Variants in DNAH10 observed in about 807,000 individuals in gnomAD.
DNAH10 encodes the protein axonemal beta dynein heavy chain 10.
DNAH10 carries 348 observed loss-of-function variants against 506.6 expected under a neutral mutation model. That is an observed-to-expected ratio of 0.69 (90% CI 0.63 to 0.75). The LOEUF is 0.75. Ranked by LOEUF, DNAH10 falls within the 30% of genes least tolerant of loss-of-function variation. DNAH10 has a pLI of 0.00. For missense variants in DNAH10, 5,179 were observed against 5,787.1 expected, an observed-to-expected ratio of 0.89 and a Z score of 3.41; for synonymous variants, 2,059 against 2,198.6, an observed-to-expected ratio of 0.94 and a Z score of 1.78.
rs1217745502 is a variant in DNAH10, at chr12:123,913,328, C to T, written c.10352+13C>T. On this transcript the variant is annotated intron_variant, in intron 60 of 78. Coordinates refer to ENST00000673944, the MANE Select transcript of DNAH10 (RefSeq NM_001372106.1). The surrounding 1 kb of genome is among the most constrained non-coding windows in gnomAD (Gnocchi z 5.1). ...CAGAAAACATCAGGTTAGCGCTGCTCACGAGCCCACCTGTTGCGGTTTGTA... is the reference window on the plus strand; with the variant it reads ...CAGAAAACATCAGGTTAGCGCTGCTTACGAGCCCACCTGTTGCGGTTTGTA... 1 of 1,567,248 alleles carries T rather than the reference C, an allele frequency of 6.4e-7. No homozygotes were observed. Among genetic ancestry groups the T allele is most frequent in the East Asian group, 2.3e-5 (1 of 42,744 alleles).
intron 5 of DNAH10, among the ~76,000 whole-genome samples, chr12:123,780,314 C>T (rs1957598968): frequency 6.6e-6 from 1 of 152,024 alleles, no homozygotes; most frequent in Non-Finnish European, 1.5e-5. Context: ...CACAGGTGTG[C>T]ACCACCACAC....
chr12:123,913,405 T>C lies in DNAH10; in HGVS notation c.10352+90T>C, dbSNP rs1954323644. Reference sequence around the variant, plus strand: ...GCCATGTTGATTCTTTATCTCACGTTGTGTTTTTATGTGAAAACCATGTGA... The same window carrying C: ...GCCATGTTGATTCTTTATCTCACGTCGTGTTTTTATGTGAAAACCATGTGA... On this transcript the variant is annotated intron_variant, in intron 60 of 78. Coordinates refer to ENST00000673944, the MANE Select transcript of DNAH10 (RefSeq NM_001372106.1). The surrounding 1 kb of genome is among the most constrained non-coding windows in gnomAD (Gnocchi z 5.1). 2 of 1,327,600 alleles carry C rather than the reference T, an allele frequency of 1.5e-6. No individual in the cohort carries two copies. Among genetic ancestry groups the C allele is most frequent in the Non-Finnish European group, 2.0e-6 (2 of 989,312 alleles). The allele number at this position is 1,327,600 out of a possible 1,614,324, so 82.2% of individuals were successfully genotyped here.
intron 16 of DNAH10, among the ~76,000 whole-genome samples, chr12:123,802,402 T>C (rs372877003): frequency 5.1e-4 from 77 of 152,250 alleles, no homozygotes; most frequent in African/African-American, 1.3e-3. Context: ...ACCTCCTGGG[T>C]TCAAGCGATT....
At chr12:123,874,492 C>T (rs920129080) in intron 46 of DNAH10, among the ~76,000 whole-genome samples, 1 of 151,778 alleles carries the variant, frequency 6.6e-6, no homozygotes, top group Admixed American at 6.6e-5. Context: ...TCTGTTTTTC[C>T]ATCTACCTGT....
intron 14 of DNAH10, among the ~76,000 whole-genome samples, chr12:123,799,635 C>T (rs943175344): frequency 6.6e-6 from 1 of 152,084 alleles, no homozygotes; most frequent in East Asian, 1.9e-4. Flanking sequence ...TTATGAAATG[C>T]GTTTTATAAA....
chr12:123,907,912 C>G lies in DNAH10; in HGVS notation c.9816-1349C>G, dbSNP rs954959387. ...ACTGGGCTTTGTGCTGAAGTGTGGG[C>G]GCCCTCCCTCCTGGCTGTTGCCCTG... On this transcript the variant is annotated intron_variant, in intron 57 of 78. Transcript: ENST00000673944. This position sits in a 1 kb window ranked among gnomAD's most constrained non-coding sequence, Gnocchi z 4.4. 1.3e-5 allele frequency among the ~76,000 whole-genome samples: 2 copies of G among 152,278 alleles called. No homozygotes were observed. Among genetic ancestry groups the G allele is most frequent in the African/African-American group, 4.8e-5 (2 of 41,558 alleles).
chr12:123,905,969 G>C (rs1953755085), intron 57 of DNAH10, among the ~76,000 whole-genome samples: 1 of 151,948 alleles, frequency 6.6e-6, no homozygotes, highest in African/African-American at 2.4e-5. Flanking sequence ...CCAGGCTGGA[G>C]TGCAGTGGCA....
intron 5 of DNAH10, among the ~76,000 whole-genome samples, chr12:123,780,636 T>C (rs1957609897): frequency 6.6e-6 from 1 of 152,074 alleles, no homozygotes; most frequent in African/African-American, 2.4e-5. Context: ...TGGTTTTCAC[T>C]TTGCATATTT....
chr12:123,887,451 C>T, intron 52 of DNAH10, 138 bp downstream of exon 52: 1 of 1,020,616 alleles, frequency 9.8e-7, no homozygotes, highest in Non-Finnish European at 1.4e-6. Context: ...CACGGCGGCC[C>T]CTGAGATAGG....
At position 123,833,198 on chromosome 12, in the gene DNAH10, A is replaced by C. The variant is rs1180824289; in HGVS notation, c.4630A>C (p.Ile1544Leu). Reference protein sequence around the residue: ...YCKGTQERGYILGSVDEIIQS... With the variant: ...YCKGTQERGYLLGSVDEIIQS... ...CAAAGGCACACAGGAGCGAGGCTAC[A>C]TCCTGGGTTCTGTTGACGAAATTAT... The change falls in exon 27 of 79, where the codon ATC becomes CTC. Residue 1544 changes from isoleucine (I) to leucine (L), a missense_variant. Ile to Leu is a conservative substitution (Grantham distance 5). Transcript: ENST00000673944. 1 of 1,613,934 alleles carries C rather than the reference A, an allele frequency of 6.2e-7. No individual in the cohort carries two copies. Among genetic ancestry groups the C allele is most frequent in the Admixed American group, 1.7e-5 (1 of 60,030 alleles).
At position 123,928,756 on chromosome 12, in the gene DNAH10, G is replaced by A; in HGVS notation, c.12306+169G>A. On this transcript the variant is annotated intron_variant, in intron 70 of 78. Coordinates refer to ENST00000673944, the MANE Select transcript of DNAH10 (RefSeq NM_001372106.1). The surrounding 1 kb of genome is among the most constrained non-coding windows in gnomAD (Gnocchi z 4.9). ...AATCCCACCTCTCTCTTTAGAGGGA[G>A]CCGCTGTCCTGGGTTGGGTGTTTGT... is the stretch of plus-strand genomic sequence containing the variant. 1.3e-6 allele frequency: 1 copy of A among 769,618 alleles called. No individual in the cohort carries two copies. Among genetic ancestry groups the A allele is most frequent in the Non-Finnish European group, 2.0e-6 (1 of 491,620 alleles). The allele number at this position is 769,618 out of a possible 1,614,324, so 47.7% of individuals were successfully genotyped here. A position where few individuals can be genotyped will look rare whatever the true frequency, so the allele number is the denominator to read the frequency against.
At chr12:123,932,461 C>G (rs530696599) in intron 76 of DNAH10, among the ~76,000 whole-genome samples, 1 of 150,190 alleles carries the variant, frequency 6.7e-6, no homozygotes, top group Non-Finnish European at 1.5e-5. Flanking sequence ...TGGTAACTGC[C>G]TACATTTCGG....
intron 52 of DNAH10, 116 bp downstream of exon 52, chr12:123,887,429 C>G: frequency 8.2e-7 from 1 of 1,223,624 alleles, no homozygotes; most frequent in Non-Finnish European, 1.1e-6. Flanking sequence ...GCGGGTGTAC[C>G]TGTTCCTCCC....
chr12:123,875,280 TGGAAAA>T lies in DNAH10; in HGVS notation c.7989_7994del (p.Glu2664_Lys2665del). 6.2e-7 allele frequency: 1 copy of T among 1,613,028 alleles called. No individual in the cohort carries two copies. The highest frequency in any genetic ancestry group is 8.5e-7 in the Non-Finnish European group (1 of 1,179,412). ...CCCATTGCCTTGCTGAAGCTGCTGT[TGGAAAA>T]AGGCTACTTATATGACCGTGGGAAG... On this transcript the variant is annotated inframe_deletion, in exon 47 of 79. Transcript: ENST00000673944.
Position 123,879,673 on chromosome 12 carries a change from A to G in DNAH10, c.8506A>G (p.Lys2836Glu). 6.2e-7 allele frequency: 1 copy of G among 1,614,014 alleles called. No homozygotes were observed. Among genetic ancestry groups the G allele is most frequent in the East Asian group, 2.2e-5 (1 of 44,884 alleles). ...AGGCAGCTTGGTTGTGGAACATTTT[A>G]AAGATGACGTGGAGGTGGTGATGAG... ...HIGSLVVEHF[K>E]DDVEVVMRDP... The change falls in exon 50 of 79, where the codon AAA (lysine) becomes GAA (glutamate). Residue 2836 changes from lysine to glutamate, a missense_variant. By Grantham distance (56) the Lys-to-Glu change is moderately conservative. This residue lies in a region of DNAH10 where 4,844 missense variants were observed against 5,430.5 expected (regional missense o/e 0.89). Transcript: ENST00000673944.
At chr12:123,809,622 C>T (rs1958848463) in intron 19 of DNAH10, among the ~76,000 whole-genome samples, 1 of 150,758 alleles carries the variant, frequency 6.6e-6, no homozygotes, top group Admixed American at 6.6e-5. Context: ...GCACTCCAGC[C>T]TGGGCAACAG....
chr12:123,902,995 A>G lies in DNAH10; in HGVS notation c.9697A>G (p.Lys3233Glu), dbSNP rs200343813. 7.5e-4 allele frequency: 1,196 copies of G among 1,598,546 alleles called. 1 individual carries two copies. The highest frequency in any genetic ancestry group is 9.4e-4 in the Non-Finnish European group (1,099 of 1,172,734). The stretch of plus-strand genomic sequence containing the variant: ...GGCCATGGAGATAGAGGAGCAGAAC[A>G]AAGTCATTGCCATGGAGAAGGCCGA... Reference protein sequence around the residue: ...EKAMEIEEQNKVIAMEKAEAE... With the variant: ...EKAMEIEEQNEVIAMEKAEAE... The change falls in exon 57 of 79, where the codon AAA becomes GAA. Residue 3233 changes from lysine to glutamate, a missense_variant. Lys to Glu is a moderately conservative substitution (Grantham distance 56). Transcript: ENST00000673944. The surrounding 1 kb of genome is among the most constrained non-coding windows in gnomAD (Gnocchi z 4.5).
intron 65 of DNAH10, among the ~76,000 whole-genome samples, chr12:123,920,850 A>G (rs1954690545): frequency 6.6e-6 from 1 of 151,936 alleles, no homozygotes; most frequent in Non-Finnish European, 1.5e-5. Flanking sequence ...GCTTACTGCA[A>G]CCTCCACCTC....
Position 123,784,090 on chromosome 12 carries a change from G to A in DNAH10, c.1143G>A (p.Leu381=). The A allele has an allele frequency of 6.2e-7, 1 of 1,614,228 alleles. No homozygotes were observed. The highest frequency in any genetic ancestry group is 8.5e-7 in the Non-Finnish European group (1 of 1,180,038). Residue 381 remains leucine, a synonymous_variant, in exon 8 of 79, where the codon CTG becomes CTA. Coordinates refer to ENST00000673944, the MANE Select transcript of DNAH10 (RefSeq NM_001372106.1). ...KESDSMLVAN[L]QPVFTELFKF... is the part of the protein sequence containing the mutation. ...CCGACTCCATGCTTGTGGCTAATCTGCAGCCAGTGTTCACCGAGTTATTCA... is the reference window on the plus strand; with the variant it reads ...CCGACTCCATGCTTGTGGCTAATCTACAGCCAGTGTTCACCGAGTTATTCA...
Sources: gnomAD v4.1 joint callset for allele counts (sites outside exome capture counted in the v4.1 genomes callset) on GRCh38, gnomAD v4.1.1 for gene constraint, gnomAD v4.1.1 regional missense constraint, Gnocchi (gnomAD v3.1) non-coding constraint, MANE v1.5 for transcripts, NCBI Gene and HGNC (gene_info 2026-07-23, HGNC 2026-07-21) for gene names.